Variants in NMT2 observed in about 807,000 individuals in gnomAD.
The protein encoded by NMT2 is N-myristoyltransferase 2, also known as glycylpeptide N-tetradecanoyltransferase 2.
NMT2 carries 35 observed loss-of-function variants against 65.4 expected under a neutral mutation model. That is an observed-to-expected ratio of 0.54 (90% CI 0.41 to 0.71). NMT2 has a LOEUF of 0.71. Among genes scored for constraint, NMT2 ranks in the 30% least tolerant of loss-of-function variants. The pLI is 0.00. For missense variants in NMT2, 489 were observed against 611.3 expected (o/e 0.80, Z 2.11); for synonymous variants, 226 against 231.8 (o/e 0.98, Z 0.23).
chr10:15,115,597 A>G (rs1845717146), intron 9 of NMT2, among the ~76,000 whole-genome samples: 1 of 152,258 alleles, frequency 6.6e-6, no homozygotes, highest in African/African-American at 2.4e-5. Flanking sequence ...AAGCTCTACC[A>G]TACCAATAAT....
chr10:15,165,602 T>C (rs1833351043), intron 1 of NMT2, among the ~76,000 whole-genome samples: 1 of 151,946 alleles, frequency 6.6e-6, no homozygotes, highest in Non-Finnish European at 1.5e-5. Flanking sequence ...ATTTAACTCT[T>C]TACACTGGCT....
intron 1 of NMT2, among the ~76,000 whole-genome samples, chr10:15,162,858 A>G (rs1487219898): frequency 6.7e-6 from 1 of 148,234 alleles, no homozygotes; most frequent in Non-Finnish European, 1.5e-5. Context: ...TGATATTTAT[A>G]TATCTATATA....
intron 1 of NMT2, among the ~76,000 whole-genome samples, chr10:15,162,635 T>C (rs1373376022): frequency 2.0e-5 from 3 of 151,932 alleles, no homozygotes; most frequent in Non-Finnish European, 4.4e-5. Context: ...ATCCCAGCGA[T>C]GTTAAACACA....
In NMT2 at chr10:15,142,915, C is replaced by T. The variant is rs113631723; in HGVS notation, c.111-1358G>A. Among the ~76,000 whole-genome samples the T allele has an allele frequency of 2.2e-3, 334 of 152,284 alleles. 1 individual carries two copies. The highest frequency in any genetic ancestry group is 7.7e-3 in the African/African-American group (318 of 41,558). On this transcript the variant is annotated intron_variant, in intron 1 of 11. Coordinates refer to ENST00000378165, the MANE Select transcript of NMT2 (RefSeq NM_004808.3). ...GGTTTGGGAGTAGGACTATTTTAGG[C>T]TTTCCTCTCCCGGTGTTCCTATTGC...
Position 15,109,960 on chromosome 10 carries a change from C to T in NMT2, c.1339-121G>A, listed in dbSNP as rs937357763. 5 of 780,628 alleles carry T rather than the reference C, an allele frequency of 6.4e-6. No individual in the cohort carries two copies. The South Asian group carries it at 7.4e-5, about 12-fold the overall frequency. 48.4% of individuals were successfully genotyped at this position (780,628 alleles called of 1,614,324 possible). A position where few individuals can be genotyped will look rare whatever the true frequency, so the allele number is the denominator to read the frequency against. Reference sequence around the variant, plus strand: ...TGCATTTCTAATAGGATTTAACGTCCGTGATATATAGCATAGGTTAAGAAT... The same window carrying T: ...TGCATTTCTAATAGGATTTAACGTCTGTGATATATAGCATAGGTTAAGAAT... On this transcript the variant is annotated intron_variant, in intron 10 of 11. Coordinates refer to ENST00000378165, the MANE Select transcript of NMT2 (RefSeq NM_004808.3).
chr10:15,143,190 A>G (rs1243099153), intron 1 of NMT2, among the ~76,000 whole-genome samples: 1 of 152,240 alleles, frequency 6.6e-6, no homozygotes, highest in Non-Finnish European at 1.5e-5. Context: ...CCTCAATGGT[A>G]AAGCCTACTG....
chr10:15,109,892 T>C, intron 10 of NMT2, 53 bp from the exon 11 acceptor site: 2 of 1,435,682 alleles, frequency 1.4e-6, no homozygotes, highest in South Asian at 1.3e-5. Flanking sequence ...GTGTTTTCTG[T>C]ATTACATATC....
In NMT2 at chr10:15,168,645, G is replaced by C. The variant is rs377631217; in HGVS notation, c.-33C>G. The stretch of plus-strand genomic sequence containing the variant: ...GCGCTGGCTGGGGAGGCGGTGCTCG[G>C]GGCCGGGCCGGAGCGGCCGCAGCTC... On this transcript the variant is annotated 5_prime_UTR_variant, in exon 1 of 12. Coordinates refer to ENST00000378165, the MANE Select transcript of NMT2 (RefSeq NM_004808.3). The C allele has an allele frequency of 1.1e-5, 17 of 1,532,032 alleles. No homozygotes were observed. The South Asian group carries it at 1.2e-4, about 10-fold the overall frequency. 94.9% of individuals were successfully genotyped at this position (1,532,032 alleles called of 1,614,324 possible).
intron 1 of NMT2, among the ~76,000 whole-genome samples, chr10:15,162,111 G>A (rs1429062671): frequency 1.3e-5 from 2 of 152,182 alleles, no homozygotes; most frequent in East Asian, 3.9e-4. Context: ...AATTAGCCAG[G>A]TGTGGTGGCA....
intron 3 of NMT2, among the ~76,000 whole-genome samples, chr10:15,134,817 C>CA (rs1435360497): frequency 3.3e-5 from 5 of 151,850 alleles, no homozygotes; most frequent in African/African-American, 9.7e-5. Flanking sequence ...AGCGTCTTTA[C>CA]AAAAAAATAC....
At chr10:15,165,400 T>C (rs1339774470) in intron 1 of NMT2, among the ~76,000 whole-genome samples, 2 of 152,232 alleles carry the variant, frequency 1.3e-5, no homozygotes, top group Admixed American at 1.3e-4. Flanking sequence ...AAGATGTCTT[T>C]AGGCAATCCT....
At chr10:15,134,762 C>T (rs1041589090) in intron 3 of NMT2, among the ~76,000 whole-genome samples, 1 of 152,156 alleles carries the variant, frequency 6.6e-6, no homozygotes, top group African/African-American at 2.4e-5. Flanking sequence ...AGGTGGATCA[C>T]TTGAGCCCAG....
At chr10:15,128,247 T>C in intron 8 of NMT2, 103 bp downstream of exon 8, 3 of 727,424 alleles carry the variant, frequency 4.1e-6, no homozygotes, top group Non-Finnish European at 4.9e-6. Context: ...ATTCACTTCC[T>C]CAGACACACC....
rs1845300895 is a variant in NMT2, at chr10:15,106,283, C to T, written c.*2912G>A. 2 of 156,834 alleles carry T rather than the reference C, an allele frequency of 1.3e-5. No homozygotes were observed. The highest frequency in any genetic ancestry group is 1.4e-5 in the Non-Finnish European group (1 of 70,266). 9.7% of individuals were successfully genotyped at this position (156,834 alleles called of 1,614,324 possible). A position where few individuals can be genotyped will look rare whatever the true frequency, so the allele number is the denominator to read the frequency against. On this transcript the variant is annotated 3_prime_UTR_variant, in exon 12 of 12. Transcript: ENST00000378165. ...GTGCAGGGATTACAGGTGTGAGCCA[C>T]CGTGCCTGGCTGATTCTGCAATTAT...
intron 1 of NMT2, among the ~76,000 whole-genome samples, chr10:15,143,466 C>T (rs1846844707): frequency 6.6e-6 from 1 of 152,164 alleles, no homozygotes; most frequent in East Asian, 1.9e-4. Flanking sequence ...AGCTTGGTTA[C>T]AGAGAGATAC....
rs34668178 is a variant in NMT2 at position 15,147,095 on chromosome 10, C to CAAAAAAA, written c.111-5545_111-5539dup. On this transcript the variant is annotated intron_variant, in intron 1 of 11. Coordinates refer to ENST00000378165, the MANE Select transcript of NMT2 (RefSeq NM_004808.3). Reference sequence around the variant, plus strand: ...CAACAGCGAAAGATCCTCTCGCTCTCAAAAAAAAAAAAAAAAAAAAAAAAA... The same window carrying CAAAAAAA: ...CAACAGCGAAAGATCCTCTCGCTCTCAAAAAAAAAAAAAAAAAAAAAAAAAAAAAAAA... Among the ~76,000 whole-genome samples the CAAAAAAA allele has an allele frequency of 1.2e-3, 55 of 44,514 alleles. 2 individuals carry two copies. The highest frequency in any genetic ancestry group is 1.8e-3 in the African/African-American group (34 of 18,424). 29.2% of individuals were successfully genotyped at this position (44,514 alleles called of 152,430 possible).
chr10:15,141,053 C>A, intron 2 of NMT2: 1 of 1,547,074 alleles, frequency 6.5e-7, no homozygotes, highest in Non-Finnish European at 8.7e-7. Context: ...TAGACAGACA[C>A]CCAGAAAAAT....
At chr10:15,118,786 G>C (rs149733129) in intron 9 of NMT2, among the ~76,000 whole-genome samples, 1 of 152,258 alleles carries the variant, frequency 6.6e-6, no homozygotes, top group African/African-American at 2.4e-5. Context: ...CAAGGAAACA[G>C]GAACTCTCTT....
intron 1 of NMT2, 118 bp from the exon 2 acceptor site, chr10:15,141,675 CTG>C (rs1846771402): frequency 1.5e-6 from 2 of 1,319,876 alleles, no homozygotes; most frequent in East Asian, 5.0e-5. Context: ...TAGAAAATAA[CTG>C]TGTTAGGATG....
Sources: gnomAD v4.1 joint callset for allele counts (sites outside exome capture counted in the v4.1 genomes callset) on GRCh38, gnomAD v4.1.1 for gene constraint, MANE v1.5 for transcripts, NCBI Gene and HGNC (gene_info 2026-07-23, HGNC 2026-07-21) for gene names.